The following EML5 variants were observed in gnomAD, a reference collection of about 807,000 sequenced individuals.
EML5 encodes EMAP like 5, also known as echinoderm microtubule-associated protein-like 5.
Under a neutral mutation model 250.0 loss-of-function variants are expected in EML5, and 120 were observed. The observed-to-expected ratio is 0.48, with a 90% CI of 0.41 to 0.56. EML5 has a LOEUF of 0.56. Ranked by LOEUF, EML5 falls within the 20% of genes least tolerant of loss-of-function variation. EML5 has a pLI of 0.00. For missense variants in EML5, 2,006 were observed against 2,437.6 expected, an observed-to-expected ratio of 0.82 and a Z score of 3.73; for synonymous variants, 771 against 806.5, an observed-to-expected ratio of 0.96 and a Z score of 0.75.
intron 13 of EML5, among the ~76,000 whole-genome samples, chr14:88,703,599 C>T (rs1187004300): frequency 6.6e-6 from 1 of 152,100 alleles, no homozygotes; most frequent in Non-Finnish European, 1.5e-5. Context: ...AGAAAAAATA[C>T]TTGTACTAAT....
At chr14:88,762,459 G>T (rs995153895) in intron 1 of EML5, among the ~76,000 whole-genome samples, 3 of 151,966 alleles carry the variant, frequency 2.0e-5, no homozygotes, top group African/African-American at 7.3e-5. Flanking sequence ...GCAGTGAGCT[G>T]AGATCATGCC....
At chr14:88,730,802 T>C (rs551548250) in intron 7 of EML5, among the ~76,000 whole-genome samples, 8 of 152,316 alleles carry the variant, frequency 5.3e-5, no homozygotes, top group Admixed American at 2.0e-4. Context: ...AGATGAATTA[T>C]AACTAACTGA....
intron 1 of EML5, among the ~76,000 whole-genome samples, chr14:88,779,268 T>G (rs1305904339): frequency 6.6e-6 from 1 of 151,976 alleles, no homozygotes; most frequent in East Asian, 1.9e-4. Context: ...CCTGAAGCCA[T>G]AAAGAAAAAG....
intron 21 of EML5, among the ~76,000 whole-genome samples, chr14:88,672,759 C>A (rs970497349): frequency 7.9e-5 from 12 of 152,124 alleles, no homozygotes; most frequent in African/African-American, 2.7e-4. Flanking sequence ...ACTATAAACA[C>A]CTCTATGCAA....
intron 1 of EML5, among the ~76,000 whole-genome samples, chr14:88,766,675 G>A (rs2094324673): frequency 6.6e-6 from 1 of 152,086 alleles, no homozygotes; most frequent in South Asian, 2.1e-4. Flanking sequence ...ACCTTGTGAA[G>A]TATGTGATCT....
intron 1 of EML5, among the ~76,000 whole-genome samples, chr14:88,780,163 G>C (rs1488447360): frequency 6.6e-6 from 1 of 152,014 alleles, no homozygotes; most frequent in Non-Finnish European, 1.5e-5. Context: ...TGTTGGCCAG[G>C]CTGGTCTTGA....
intron 41 of EML5, chr14:88,617,156 T>C (rs1165153336): frequency 9.0e-6 from 2 of 221,044 alleles, no homozygotes; most frequent in African/African-American, 2.3e-5. Flanking sequence ...TTTTCTTTTT[T>C]TTTTTTTGAG....
At chr14:88,639,356 G>A (rs757038752) in intron 31 of EML5, among the ~76,000 whole-genome samples, 24 of 152,198 alleles carry the variant, frequency 1.6e-4, no homozygotes, top group Admixed American at 7.2e-4. Context: ...CTGAAGTGTA[G>A]GGTCATGAAG....
chr14:88,621,740 A>C, intron 37 of EML5: 1 of 348,170 alleles, frequency 2.9e-6, no homozygotes, highest in Non-Finnish European at 5.7e-6. Flanking sequence ...ATAAGTACAA[A>C]CACGCTCAAA....
chr14:88,741,321 C>A (rs1031248477), intron 4 of EML5, among the ~76,000 whole-genome samples: 1 of 152,092 alleles, frequency 6.6e-6, no homozygotes, highest in South Asian at 2.1e-4. Flanking sequence ...CTACAGCTCA[C>A]GGTAACTGCA....
intron 6 of EML5, among the ~76,000 whole-genome samples, chr14:88,737,795 A>G (rs1716777939): frequency 2.6e-5 from 4 of 152,184 alleles, no homozygotes. Context: ...AACTCTAGCC[A>G]TGTCTACTTG....
chr14:88,758,080 C>G (rs1416326098), intron 1 of EML5, among the ~76,000 whole-genome samples: 2 of 146,170 alleles, frequency 1.4e-5, no homozygotes, highest in African/African-American at 5.1e-5. Flanking sequence ...TGGTCTCAAA[C>G]TTTTGGGCTT....
intron 8 of EML5, among the ~76,000 whole-genome samples, chr14:88,724,622 G>A (rs2093639438): frequency 6.6e-6 from 1 of 152,022 alleles, no homozygotes; most frequent in African/African-American, 2.4e-5. Flanking sequence ...GAATTCTTAG[G>A]TGTTTTACAT....
At chr14:88,629,211 G>A (rs1416211373) in intron 33 of EML5, among the ~76,000 whole-genome samples, 16 of 152,202 alleles carry the variant, frequency 1.1e-4, no homozygotes, top group Non-Finnish European at 1.5e-5. Context: ...AAATCATGAT[G>A]AGGTAGACAA....
chr14:88,749,415 T>G (rs763380425), intron 2 of EML5, among the ~76,000 whole-genome samples: 5 of 152,118 alleles, frequency 3.3e-5, no homozygotes, highest in Non-Finnish European at 5.9e-5. Flanking sequence ...TCAGTAAACC[T>G]GCACTACAAG....
In EML5 at chr14:88,705,558, G is replaced by T; in HGVS notation, c.1856C>A (p.Ser619Ter). 1 of 1,599,204 alleles carries T rather than the reference G, an allele frequency of 6.3e-7. No homozygotes were observed. The highest frequency in any genetic ancestry group is 8.5e-7 in the Non-Finnish European group (1 of 1,171,930). Residue 619 changes from serine to a stop codon, truncating the protein, a stop_gained, in exon 12 of 44, where the codon TCA (serine) becomes TAA (stop). Coordinates refer to ENST00000554922, the MANE Select transcript of EML5 (RefSeq NM_183387.3). LOFTEE classifies it high-confidence loss of function. ...TGGAACATCAGACAGATCTGAATCT[G>T]ATTCATCACTATGAGAGTCAGCCAG... ...ESLADSHSDESDSDLSDVPEL... is the reference protein window; with the variant it reads ...ESLADSHSDE
intron 2 of EML5, among the ~76,000 whole-genome samples, chr14:88,748,545 C>G (rs1043893237): frequency 6.6e-6 from 1 of 152,110 alleles, no homozygotes; most frequent in African/African-American, 2.4e-5. Flanking sequence ...TTTGCCAGAA[C>G]AGTGTCCATA....
intron 4 of EML5, among the ~76,000 whole-genome samples, chr14:88,741,854 T>G (rs1479465566): frequency 6.6e-6 from 1 of 152,182 alleles, no homozygotes; most frequent in Non-Finnish European, 1.5e-5. Context: ...TATCATATAT[T>G]CTTATTTTAA....
At chr14:88,761,569 G>C (rs1310086712) in intron 1 of EML5, among the ~76,000 whole-genome samples, 1 of 152,130 alleles carries the variant, frequency 6.6e-6, no homozygotes, top group Admixed American at 6.6e-5. Context: ...GTGTGTATGT[G>C]CCACATTTTC....
Sources: gnomAD v4.1 joint callset for allele counts (sites outside exome capture counted in the v4.1 genomes callset) on GRCh38, gnomAD v4.1.1 for gene constraint, MANE v1.5 for transcripts, NCBI Gene and HGNC (gene_info 2026-07-23, HGNC 2026-07-21) for gene names.